Variants in RHBDD1 observed in about 807,000 individuals in gnomAD.
RHBDD1 encodes the protein rhomboid-related protein 4.
In RHBDD1, 38 loss-of-function variants were observed where a neutral mutation model predicts 36.3. The ratio of observed to expected loss-of-function variants is 1.05; its 90% CI spans 0.81 to 1.37. The LOEUF (loss-of-function observed/expected upper bound fraction) is 1.37. RHBDD1 is among the 40% of genes most tolerant of loss of function. The pLI is 0.00. For missense variants in RHBDD1, 393 were observed against 377.6 expected (o/e 1.04, Z -0.34); for synonymous variants, 151 against 136.5 (o/e 1.11, Z -0.74).
chr2:226,914,477 G>A (rs927909153), intron 8 of RHBDD1, 126 bp downstream of exon 8: 27 of 1,059,096 alleles, frequency 2.5e-5, no homozygotes, highest in Non-Finnish European at 3.3e-5. Flanking sequence ...GATGAAAACT[G>A]TGTGCAGATT....
chr2:226,834,844 C>T (rs1335497569), upstream of RHBDD1, among the ~76,000 whole-genome samples: 1 of 152,022 alleles, frequency 6.6e-6, no homozygotes, highest in Non-Finnish European at 1.5e-5. Flanking sequence ...TGCATGGACG[C>T]GATCTCACTG....
intron 4 of RHBDD1, 152 bp from the exon 5 acceptor site, chr2:226,867,034 A>G: frequency 1.4e-6 from 1 of 695,322 alleles, no homozygotes; most frequent in Non-Finnish European, 2.3e-6. Flanking sequence ...TCTTTTTACC[A>G]AATGCAAGGT....
At position 226,995,924 on chromosome 2, in the gene RHBDD1, G is replaced by A. The variant is rs776243785; in HGVS notation, c.*402G>A. ...AGTGCCCCGTGTTTGACTTGGCAGC[G>A]GGTGTGGAGCCATCCCCGCGTCCTC... On this transcript the variant is annotated 3_prime_UTR_variant, in exon 9 of 9. Transcript: ENST00000392062. 16 of 175,692 alleles carry A rather than the reference G, an allele frequency of 9.1e-5. No homozygotes were observed. Among genetic ancestry groups the A allele is most frequent in the Non-Finnish European group, 1.5e-4 (13 of 83,924 alleles). 10.9% of individuals were successfully genotyped at this position (175,692 alleles called of 1,614,324 possible).
At chr2:226,867,038 G>C in intron 4 of RHBDD1, 148 bp from the exon 5 acceptor site, 1 of 706,508 alleles carries the variant, frequency 1.4e-6, no homozygotes, top group Non-Finnish European at 2.3e-6. Flanking sequence ...TTTACCAAAT[G>C]CAAGGTTGTA....
At chr2:226,982,085 T>A (rs1445244463) in intron 8 of RHBDD1, among the ~76,000 whole-genome samples, 1 of 152,234 alleles carries the variant, frequency 6.6e-6, no homozygotes, top group African/African-American at 2.4e-5. Context: ...CCCCCCGCCC[T>A]CTTTTCTTTT....
chr2:226,837,021 G>C (rs766047682), intron 1 of RHBDD1, among the ~76,000 whole-genome samples: 7 of 152,164 alleles, frequency 4.6e-5, no homozygotes, highest in Non-Finnish European at 1.0e-4. Context: ...CAAACTTACT[G>C]AATCAGAAAT....
At chr2:226,932,318 A>T (rs374782405) in intron 8 of RHBDD1, among the ~76,000 whole-genome samples, 34 of 152,224 alleles carry the variant, frequency 2.2e-4, no homozygotes, top group East Asian at 7.7e-4. Flanking sequence ...TTCTATTTAA[A>T]TGTTATTTAG....
At chr2:226,948,006 T>C (rs1951113106) in intron 8 of RHBDD1, among the ~76,000 whole-genome samples, 1 of 152,184 alleles carries the variant, frequency 6.6e-6, no homozygotes, top group South Asian at 2.1e-4. Context: ...GAAGTCAGTG[T>C]GGCGATTCCT....
intron 7 of RHBDD1, among the ~76,000 whole-genome samples, chr2:226,910,145 T>C (rs1266210647): frequency 2.0e-5 from 3 of 152,234 alleles, no homozygotes; most frequent in Admixed American, 6.5e-5. Context: ...AGGGCAGTTC[T>C]ACTTACTGTC....
intron 8 of RHBDD1, among the ~76,000 whole-genome samples, chr2:226,979,412 C>G (rs541378006): frequency 3.8e-4 from 58 of 152,104 alleles, no homozygotes; most frequent in Non-Finnish European, 6.0e-4. Flanking sequence ...CAATTGAATC[C>G]CAGGTCACCA....
intron 8 of RHBDD1, chr2:226,914,738 A>G (rs1948777171): frequency 6.5e-6 from 1 of 154,154 alleles, no homozygotes; most frequent in African/African-American, 2.4e-5. Context: ...ACCTCCGACA[A>G]ATCTCCCTCA....
Position 226,995,483 on chromosome 2 carries a change from A to T in RHBDD1, c.909A>T (p.Glu303Asp), listed in dbSNP as rs1481570540. 6.2e-7 allele frequency: 1 copy of T among 1,613,468 alleles called. No homozygotes were observed. The highest frequency in any genetic ancestry group is 1.7e-5 in the Admixed American group (1 of 59,954). Reference sequence around the variant, plus strand: ...ACGGGTTTCATCTCTCACCAGAAGAAATGAGGAGACAGCGGCTTCACAGAT... The same window carrying T: ...ACGGGTTTCATCTCTCACCAGAAGATATGAGGAGACAGCGGCTTCACAGAT... ...PPYGFHLSPE[E>D]MRRQRLHRFD... Residue 303 changes from glutamate to aspartate, a missense_variant, in exon 9 of 9, where the codon GAA (glutamate) becomes GAT (aspartate). Physicochemically the swap from Glu to Asp is conservative, Grantham distance 45. Transcript: ENST00000392062.
chr2:226,896,795 A>G (rs999692003), intron 5 of RHBDD1, among the ~76,000 whole-genome samples: 3 of 151,924 alleles, frequency 2.0e-5, no homozygotes, highest in Non-Finnish European at 4.4e-5. Context: ...CTTGCTTACT[A>G]TTAGTTATCT....
chr2:226,885,743 G>A (rs1946149822), intron 5 of RHBDD1, among the ~76,000 whole-genome samples: 1 of 152,082 alleles, frequency 6.6e-6, no homozygotes. Context: ...ATTTATAGTG[G>A]AAAAATTTAG....
At chr2:226,900,445 C>G (rs1014348908) in intron 5 of RHBDD1, among the ~76,000 whole-genome samples, 1 of 152,098 alleles carries the variant, frequency 6.6e-6, no homozygotes, top group African/African-American at 2.4e-5. Flanking sequence ...GACTGTATGT[C>G]AGTATCACAG....
At chr2:226,872,220 G>C (rs13418803) in intron 5 of RHBDD1, among the ~76,000 whole-genome samples, 35,830 of 151,876 alleles carry the variant, frequency 0.24, 7,844 homozygotes, top group African/African-American at 0.59. Flanking sequence ...CAAAATTGCA[G>C]AAAAAAGTAA....
At chr2:226,948,587 G>A (rs1363367282) in intron 8 of RHBDD1, among the ~76,000 whole-genome samples, 2,227 of 81,706 alleles carry the variant, frequency 0.027, 48 homozygotes, top group African/African-American at 0.096. Flanking sequence ...AAAAAAAAAC[G>A]AAAAAAATAA....
chr2:226,901,133 A>G (rs1947550532), intron 5 of RHBDD1, among the ~76,000 whole-genome samples: 1 of 152,068 alleles, frequency 6.6e-6, no homozygotes, highest in Non-Finnish European at 1.5e-5. Flanking sequence ...GTCTTTTTGT[A>G]TCTGGCTTAT....
intron 5 of RHBDD1, among the ~76,000 whole-genome samples, chr2:226,877,102 T>C (rs1945299762): frequency 1.3e-5 from 2 of 152,186 alleles, no homozygotes; most frequent in South Asian, 4.1e-4. Context: ...ATCGTGGATA[T>C]CCCTCTTTGC....
Sources: gnomAD v4.1 joint callset for allele counts (sites outside exome capture counted in the v4.1 genomes callset) on GRCh38, gnomAD v4.1.1 for gene constraint, MANE v1.5 for transcripts, NCBI Gene and HGNC (gene_info 2026-07-23, HGNC 2026-07-21) for gene names.